The following MORC1 variants were observed in gnomAD, a reference collection of about 807,000 sequenced individuals.
MORC1 encodes MORC family CW-type zinc finger protein 1.
A neutral mutation model predicts 134.9 loss-of-function variants in MORC1; 59 were observed. That is an observed-to-expected ratio of 0.44 (90% CI 0.35 to 0.54). The LOEUF is 0.54. MORC1 is among the 20% of genes least tolerant of loss of function. The pLI is 0.00. For missense variants in MORC1, 947 were observed against 1,134.5 expected (o/e 0.83, Z 2.37); for synonymous variants, 395 against 391.7 (o/e 1.01, Z -0.10).
intron 1 of MORC1, among the ~76,000 whole-genome samples, chr3:109,115,108 C>T (rs1951242254): frequency 6.6e-6 from 1 of 152,238 alleles, no homozygotes; most frequent in Admixed American, 6.5e-5. Context: ...GGCTCCCATG[C>T]TTGCTTCTCA....
intron 14 of MORC1, among the ~76,000 whole-genome samples, chr3:109,049,453 G>T (rs2107655804): frequency 6.6e-6 from 1 of 152,254 alleles, no homozygotes; most frequent in East Asian, 1.9e-4. Context: ...CTATGCAACA[G>T]GGTTTACATG....
chr3:109,092,385 A>C lies in MORC1; in HGVS notation c.689+1051T>G, dbSNP rs1950747703. On this transcript the variant is annotated intron_variant, in intron 8 of 27. Transcript: ENST00000232603. ...TTGCTAACTGTGGAAAGAAATTTCTAAATTTCACCTCATTGGGAAAAGCAA... is the reference window on the plus strand; with the variant it reads ...TTGCTAACTGTGGAAAGAAATTTCTCAATTTCACCTCATTGGGAAAAGCAA... 2.0e-5 allele frequency among the ~76,000 whole-genome samples: 3 copies of C among 152,214 alleles called. No individual in the cohort carries two copies. The South Asian group carries it at 6.2e-4, about 32-fold the overall frequency.
intron 14 of MORC1, among the ~76,000 whole-genome samples, chr3:109,044,557 CAAA>C (rs5851634): frequency 6.9e-6 from 1 of 145,170 alleles, no homozygotes; most frequent in African/African-American, 2.6e-5. Flanking sequence ...GACTCCACCT[CAAA>C]AAAAAAAAGG....
At chr3:109,095,510 G>C (rs1030478163) in intron 6 of MORC1, among the ~76,000 whole-genome samples, 7 of 152,104 alleles carry the variant, frequency 4.6e-5, no homozygotes, top group African/African-American at 1.7e-4. Context: ...GGGGAGAAGA[G>C]AACTATAAGT....
At position 109,027,831 on chromosome 3, in the gene MORC1, G is replaced by C; in HGVS notation, c.1624C>G (p.Pro542Ala). ...IPLGTMSTIS[P>A]SKNEKEKQLR... Reference sequence around the variant, plus strand: ...TGCTTCTCTTTCTCATTTTTTGATGGTGATATTGTGCTCATGGTGCCCAGT... The same window carrying C: ...TGCTTCTCTTTCTCATTTTTTGATGCTGATATTGTGCTCATGGTGCCCAGT... Residue 542 changes from proline to alanine, a missense_variant, in exon 17 of 28, where the codon CCA becomes GCA. Pro to Ala is a conservative substitution (Grantham distance 27). Around this residue, in one of 3 missense-constraint regions of MORC1, gnomAD observed 722 missense variants for 817.0 expected, o/e 0.88. Transcript: ENST00000232603. The C allele has an allele frequency of 6.2e-7, 1 of 1,613,694 alleles. No homozygotes were observed. The highest frequency in any genetic ancestry group is 8.5e-7 in the Non-Finnish European group (1 of 1,179,786).
intron 9 of MORC1, among the ~76,000 whole-genome samples, chr3:109,066,800 A>C (rs1458976653): frequency 1.3e-5 from 2 of 152,224 alleles, no homozygotes; most frequent in Non-Finnish European, 2.9e-5. Flanking sequence ...AGGAATTCCC[A>C]ATTCACAGTG....
At chr3:108,992,943 T>G (rs914429024) in intron 21 of MORC1, among the ~76,000 whole-genome samples, 3 of 152,246 alleles carry the variant, frequency 2.0e-5, no homozygotes, top group African/African-American at 4.8e-5. Context: ...AAAAATACTT[T>G]TTATAATGCA....
intron 3 of MORC1, among the ~76,000 whole-genome samples, chr3:109,106,610 T>C (rs1284734022): frequency 6.6e-6 from 1 of 152,208 alleles, no homozygotes; most frequent in African/African-American, 2.4e-5. Context: ...ACCCTGCCCC[T>C]AGGCTTCAGC....
At chr3:108,998,454 G>A (rs1324621069) in intron 21 of MORC1, among the ~76,000 whole-genome samples, 1 of 152,098 alleles carries the variant, frequency 6.6e-6, no homozygotes, top group African/African-American at 2.4e-5. Context: ...TGGGGGTCAG[G>A]GGAGGGAGTC....
intron 8 of MORC1, among the ~76,000 whole-genome samples, chr3:109,079,619 C>T (rs899690578): frequency 1.3e-5 from 2 of 151,868 alleles, no homozygotes; most frequent in Admixed American, 6.6e-5. Flanking sequence ...AGAAGCATAC[C>T]TACTATTACC....
chr3:109,110,445 T>G (rs1951137305), intron 3 of MORC1: 4 of 287,798 alleles, frequency 1.4e-5, no homozygotes, highest in South Asian at 1.8e-4. Context: ...ACCGTTAATT[T>G]AATATACTTT....
intron 24 of MORC1, among the ~76,000 whole-genome samples, chr3:108,972,285 T>G (rs1443671433): frequency 2.0e-5 from 3 of 152,108 alleles, no homozygotes; most frequent in Non-Finnish European, 4.4e-5. Context: ...TCTTAAAGTG[T>G]ATAGTATTCT....
intron 14 of MORC1, among the ~76,000 whole-genome samples, chr3:109,048,828 A>G (rs6437814): frequency 0.42 from 64,239 of 151,912 alleles, 14,292 homozygotes; most frequent in Middle Eastern, 0.55. Context: ...GGGCCCACCC[A>G]AACGACTCCA....
chr3:109,033,876 AAAG>A (rs1315447068), intron 15 of MORC1, among the ~76,000 whole-genome samples: 2 of 152,158 alleles, frequency 1.3e-5, no homozygotes, highest in African/African-American at 4.8e-5. Flanking sequence ...TCATTTCATA[AAAG>A]AAGAAACTGA....
intron 21 of MORC1, among the ~76,000 whole-genome samples, chr3:108,991,309 G>C (rs1379463948): frequency 1.3e-5 from 2 of 152,206 alleles, no homozygotes; most frequent in Admixed American, 1.3e-4. Flanking sequence ...AGAGATGTCA[G>C]TGTGTTGGCC....
chr3:109,013,739 C>A (rs1156463073), intron 17 of MORC1, among the ~76,000 whole-genome samples: 1 of 152,126 alleles, frequency 6.6e-6, no homozygotes, highest in Non-Finnish European at 1.5e-5. Context: ...AATGTGTCCC[C>A]CCAAAAGCAT....
intron 14 of MORC1, among the ~76,000 whole-genome samples, chr3:109,036,745 G>A (rs1490434991): frequency 2.6e-5 from 4 of 152,134 alleles, no homozygotes; most frequent in Non-Finnish European, 5.9e-5. Flanking sequence ...AGTTGGGCTG[G>A]GCTAAGCAGA....
chr3:108,994,266 T>C (rs1457431193), intron 21 of MORC1, among the ~76,000 whole-genome samples: 3 of 152,152 alleles, frequency 2.0e-5, no homozygotes, highest in Non-Finnish European at 4.4e-5. Flanking sequence ...AGCAGTGTTC[T>C]GACCATCACG....
intron 9 of MORC1, among the ~76,000 whole-genome samples, chr3:109,067,378 A>G (rs993530923): frequency 6.6e-6 from 1 of 152,170 alleles, no homozygotes; most frequent in African/African-American, 2.4e-5. Flanking sequence ...TTCCAAAGTA[A>G]TAATTTATTC....
Sources: gnomAD v4.1 joint callset for allele counts (sites outside exome capture counted in the v4.1 genomes callset) on GRCh38, gnomAD v4.1.1 for gene constraint, gnomAD v4.1.1 regional missense constraint, MANE v1.5 for transcripts, NCBI Gene and HGNC (gene_info 2026-07-23, HGNC 2026-07-21) for gene names.